The following SYT1 variants were observed in gnomAD, a reference collection of about 807,000 sequenced individuals.
SYT1 encodes synaptotagmin-1.
A neutral mutation model predicts 44.8 loss-of-function variants in SYT1; 8 were observed. The observed-to-expected ratio is 0.18, with a 90% CI of 0.10 to 0.32. The LOEUF (loss-of-function observed/expected upper bound fraction) is 0.32. Among genes scored for constraint, SYT1 ranks in the 10% least tolerant of loss-of-function variants. SYT1 has a pLI of 1.00. For missense variants in SYT1, 286 were observed against 509.3 expected, an observed-to-expected ratio of 0.56 and a Z score of 4.22; for synonymous variants, 154 against 188.8, an observed-to-expected ratio of 0.82 and a Z score of 1.51.
chr12:78,961,828 G>C (rs1879520725), intron 1 of SYT1, among the ~76,000 whole-genome samples: 2 of 151,570 alleles, frequency 1.3e-5, no homozygotes, highest in Non-Finnish European at 2.9e-5. Flanking sequence ...TCATATTTTG[G>C]CAAATGGACA....
Position 79,449,131 on chromosome 12 carries a change from G to A in SYT1, c.*7G>A. Reference sequence around the variant, plus strand: ...GCTGGCCGTCAAGAAGTAAAGGAAAGAAGAAGCCTTTCTGCATTTGCCCAT... The same window carrying A: ...GCTGGCCGTCAAGAAGTAAAGGAAAAAAGAAGCCTTTCTGCATTTGCCCAT... On this transcript the variant is annotated 3_prime_UTR_variant, in exon 11 of 11. Transcript: ENST00000261205. 1 of 1,597,766 alleles carries A rather than the reference G, an allele frequency of 6.3e-7. No individual in the cohort carries two copies. The highest frequency in any genetic ancestry group is 8.5e-7 in the Non-Finnish European group (1 of 1,171,426).
intron 8 of SYT1, among the ~76,000 whole-genome samples, chr12:79,300,799 A>ATATATATATATATATG (rs1880109240): frequency 7.4e-6 from 1 of 134,526 alleles, no homozygotes; most frequent in African/African-American, 2.9e-5. Context: ...TTATATATAT[A>ATATATATATATATATG]TATATATATA....
intron 1 of SYT1, among the ~76,000 whole-genome samples, chr12:78,916,993 CATG>C (rs1328494053): frequency 7.9e-5 from 12 of 151,958 alleles, no homozygotes; most frequent in Non-Finnish European, 1.5e-4. Context: ...AGTGCAGTGG[CATG>C]ATGATGACTC....
At chr12:79,220,804 G>C (rs951323224) in intron 4 of SYT1, among the ~76,000 whole-genome samples, 1 of 151,986 alleles carries the variant, frequency 6.6e-6, no homozygotes, top group Non-Finnish European at 1.5e-5. Flanking sequence ...ACTTGATATA[G>C]TTTTAATCTT....
At chr12:78,988,109 T>C (rs1460925765) in intron 2 of SYT1, among the ~76,000 whole-genome samples, 1 of 152,080 alleles carries the variant, frequency 6.6e-6, no homozygotes, top group Non-Finnish European at 1.5e-5. Flanking sequence ...CAGTCACTTA[T>C]TAATTCACTC....
chr12:79,081,423 A>G (rs1359146554), intron 3 of SYT1, among the ~76,000 whole-genome samples: 1 of 150,216 alleles, frequency 6.7e-6, no homozygotes, highest in Non-Finnish European at 1.5e-5. Context: ...TCTATCACCC[A>G]GGCTGGAGTG....
chr12:79,299,577 C>T (rs1395377932), intron 8 of SYT1, 26 bp downstream of exon 8: 1 of 1,607,872 alleles, frequency 6.2e-7, no homozygotes, highest in East Asian at 2.2e-5. Context: ...GCATTTCTAA[C>T]ATCACAAGCT....
chr12:79,321,480 C>T (rs1224979995), intron 8 of SYT1, among the ~76,000 whole-genome samples: 1 of 152,068 alleles, frequency 6.6e-6, no homozygotes, highest in Non-Finnish European at 1.5e-5. Context: ...TTAAAAGGTG[C>T]CTATTTAAAT....
At chr12:78,940,765 T>C (rs907716598) in intron 1 of SYT1, among the ~76,000 whole-genome samples, 8 of 152,104 alleles carry the variant, frequency 5.3e-5, no homozygotes, top group Non-Finnish European at 8.8e-5. Flanking sequence ...TTAGTTTTAT[T>C]TTTAGATACA....
At chr12:79,229,820 C>T (rs1174318312) in intron 4 of SYT1, among the ~76,000 whole-genome samples, 1 of 152,034 alleles carries the variant, frequency 6.6e-6, no homozygotes, top group Non-Finnish European at 1.5e-5. Context: ...GTCTCAAACT[C>T]CTGACCTCGG....
intron 4 of SYT1, among the ~76,000 whole-genome samples, chr12:79,234,173 T>G (rs1360682559): frequency 3.3e-5 from 5 of 152,204 alleles, no homozygotes; most frequent in Non-Finnish European, 7.3e-5. Flanking sequence ...TTTTTCTACC[T>G]CTATGATTTA....
At chr12:79,122,892 A>G (rs1044846710) in intron 3 of SYT1, among the ~76,000 whole-genome samples, 5 of 152,222 alleles carry the variant, frequency 3.3e-5, no homozygotes, top group Non-Finnish European at 7.3e-5. Flanking sequence ...TATTTTTTAT[A>G]TAAATGATGA....
chr12:79,293,865 G>C (rs1191284223), intron 6 of SYT1, among the ~76,000 whole-genome samples: 1 of 152,244 alleles, frequency 6.6e-6, no homozygotes, highest in African/African-American at 2.4e-5. Context: ...CAGGTTTGTA[G>C]TTATACCATT....
chr12:78,941,074 T>C (rs964236616), intron 1 of SYT1, among the ~76,000 whole-genome samples: 26 of 126,508 alleles, frequency 2.1e-4, no homozygotes, highest in African/African-American at 6.4e-4. Context: ...TCTTTTTTTT[T>C]TTTTTTTTTG....
At chr12:79,340,167 C>T (rs1441432138) in intron 8 of SYT1, among the ~76,000 whole-genome samples, 1 of 151,982 alleles carries the variant, frequency 6.6e-6, no homozygotes, top group Non-Finnish European at 1.5e-5. Context: ...TTTTTTGGTT[C>T]CATATGAACT....
chr12:79,313,615 A>AG (rs2138947175), intron 8 of SYT1, among the ~76,000 whole-genome samples: 1 of 151,754 alleles, frequency 6.6e-6, no homozygotes, highest in Non-Finnish European at 1.5e-5. Flanking sequence ...AAAAAAAAAA[A>AG]AAACAAAATA....
chr12:79,214,931 A>ATG (rs1359381981), intron 3 of SYT1, among the ~76,000 whole-genome samples: 9 of 99,126 alleles, frequency 9.1e-5, no homozygotes, highest in Admixed American at 5.9e-4. Flanking sequence ...GCCTGTAATA[A>ATG]TGTGTGTATA....
At chr12:79,308,615 AG>A (rs1283372538) in intron 8 of SYT1, among the ~76,000 whole-genome samples, 1 of 22,094 alleles carries the variant, frequency 4.5e-5, no homozygotes, top group African/African-American at 1.7e-4. Context: ...AGAAAGAAAA[AG>A]AAAGAAAGAA....
intron 2 of SYT1, among the ~76,000 whole-genome samples, chr12:79,032,494 A>G (rs1445152724): frequency 6.6e-6 from 1 of 151,274 alleles, no homozygotes; most frequent in Non-Finnish European, 1.5e-5. Context: ...GTGTATTGAC[A>G]TAAGAATACA....
Sources: allele counts gnomAD v4.1 joint callset (sites outside exome capture counted in the v4.1 genomes callset), GRCh38; gene constraint gnomAD v4.1.1; transcripts MANE v1.5; gene names NCBI Gene and HGNC (gene_info 2026-07-23, HGNC 2026-07-21).